Variants in DTNB observed in about 807,000 individuals in gnomAD.
DTNB encodes dystrobrevin beta.
In DTNB, 63 loss-of-function variants were observed where a neutral mutation model predicts 90.7. The ratio of observed to expected loss-of-function variants is 0.69; its 90% confidence interval spans 0.57 to 0.86. The LOEUF (loss-of-function observed/expected upper bound fraction) is 0.86. Among genes scored for constraint, DTNB ranks in the 40% least tolerant of loss-of-function variants. DTNB has a pLI of 0.00. For synonymous variants in DTNB, 277 were observed against 286.7 expected, an observed-to-expected ratio of 0.97 and a Z score of 0.34; for missense variants, 744 against 807.1, an observed-to-expected ratio of 0.92 and a Z score of 0.95.
intron 19 of DTNB, among the ~76,000 whole-genome samples, chr2:25,380,287 G>A (rs2037265028): frequency 1.3e-5 from 2 of 152,182 alleles, no homozygotes; most frequent in African/African-American, 4.8e-5. Context: ...TGGTGTCCAG[G>A]TGACTGCAGT....
chr2:25,553,014 C>A (rs542594259), intron 8 of DTNB, among the ~76,000 whole-genome samples: 35 of 151,092 alleles, frequency 2.3e-4, no homozygotes, highest in Non-Finnish European at 4.1e-4. Flanking sequence ...GCGCCCGCCA[C>A]CACGCCCGGC....
At chr2:25,650,842 T>C (rs1369796687) in intron 2 of DTNB, among the ~76,000 whole-genome samples, 2 of 151,910 alleles carry the variant, frequency 1.3e-5, no homozygotes, top group Non-Finnish European at 2.9e-5. Flanking sequence ...GCACCTGTAA[T>C]CCCAGCTACT....
intron 1 of DTNB, among the ~76,000 whole-genome samples, chr2:25,661,291 G>A (rs2083126548): frequency 6.6e-6 from 1 of 152,184 alleles, no homozygotes; most frequent in Non-Finnish European, 1.5e-5. Context: ...GATCGGCAAT[G>A]CTTATAACCA....
intron 9 of DTNB, among the ~76,000 whole-genome samples, chr2:25,526,395 A>ATATATAT: frequency 2.0e-4 from 10 of 49,826 alleles, no homozygotes; most frequent in South Asian, 6.7e-4. Context: ...ATATATATAT[A>ATATATAT]TTTTTTTTTT....
chr2:25,542,155 C>A (rs2081404310), intron 8 of DTNB, among the ~76,000 whole-genome samples: 1 of 152,116 alleles, frequency 6.6e-6, no homozygotes, highest in South Asian at 2.1e-4. Flanking sequence ...CACTCTGTCA[C>A]CCAGGCTGGA....
chr2:25,385,428 G>A (rs1016862917), intron 18 of DTNB, among the ~76,000 whole-genome samples: 1 of 152,182 alleles, frequency 6.6e-6, no homozygotes, highest in African/African-American at 2.4e-5. Context: ...GGGAGTTTAT[G>A]TCTGCATGTT....
chr2:25,611,630 C>G (rs1431367439), intron 4 of DTNB, among the ~76,000 whole-genome samples: 1 of 152,090 alleles, frequency 6.6e-6, no homozygotes, highest in East Asian at 1.9e-4. Flanking sequence ...AGCACAGCAC[C>G]TTGGAAATGC....
intron 15 of DTNB, among the ~76,000 whole-genome samples, chr2:25,422,468 C>CG (rs1297819266): frequency 7.6e-6 from 1 of 131,886 alleles, no homozygotes; most frequent in Non-Finnish European, 1.5e-5. Flanking sequence ...TGCAATGGCG[C>CG]GATCTCGGCT....
intron 16 of DTNB, among the ~76,000 whole-genome samples, chr2:25,409,907 G>C (rs146577999): frequency 2.0e-5 from 3 of 152,076 alleles, no homozygotes; most frequent in African/African-American, 7.2e-5. Flanking sequence ...TACCTAGCAG[G>C]TCTTTTTGCT....
At chr2:25,528,830 G>A (rs925899351) in intron 9 of DTNB, among the ~76,000 whole-genome samples, 3 of 152,116 alleles carry the variant, frequency 2.0e-5, no homozygotes, top group Admixed American at 2.0e-4. Flanking sequence ...TGACATGAGA[G>A]TTAACCTAAT....
At chr2:25,560,822 C>T (rs1366616881) in intron 8 of DTNB, among the ~76,000 whole-genome samples, 2 of 152,188 alleles carry the variant, frequency 1.3e-5, no homozygotes, top group East Asian at 1.9e-4. Flanking sequence ...GCTGACACTT[C>T]GATTTCAAAC....
chr2:25,528,013 T>C (rs2077483278), intron 9 of DTNB, among the ~76,000 whole-genome samples: 2 of 152,260 alleles, frequency 1.3e-5, no homozygotes, highest in South Asian at 4.1e-4. Context: ...AAACAAAATA[T>C]TAGCAAACAA....
At chr2:25,410,556 C>T (rs996936427) in intron 16 of DTNB, among the ~76,000 whole-genome samples, 1 of 152,056 alleles carries the variant, frequency 6.6e-6, no homozygotes, top group Admixed American at 6.6e-5. Flanking sequence ...TGATGCTTTC[C>T]CAGAAGGATC....
chr2:25,510,340 T>A (rs1575228430), intron 9 of DTNB, among the ~76,000 whole-genome samples: 1 of 152,040 alleles, frequency 6.6e-6, no homozygotes, highest in Non-Finnish European at 1.5e-5. Flanking sequence ...TTTAAAAAAA[T>A]ATTTACTTTA....
At position 25,576,790 on chromosome 2, in the gene DTNB, TCAAA is replaced by T. The variant is rs1011630632; in HGVS notation, c.876+44_876+47del. On this transcript the variant is annotated intron_variant, in intron 8 of 20. Transcript: ENST00000406818. Reference sequence around the variant, plus strand: ...AAACTGGCCCAGGTGCTGTTACTGATCAAACAGATTAACACTCAGGGACACAGAT... The same window carrying T: ...AAACTGGCCCAGGTGCTGTTACTGATCAGATTAACACTCAGGGACACAGAT... The T allele has an allele frequency of 5.2e-6, 8 of 1,546,594 alleles. No homozygotes were observed. In the African/African-American group the frequency reaches 8.2e-5, roughly 16 times the overall value.
chr2:25,510,951 C>A (rs909650876), intron 9 of DTNB, among the ~76,000 whole-genome samples: 1 of 152,188 alleles, frequency 6.6e-6, no homozygotes, highest in Non-Finnish European at 1.5e-5. Flanking sequence ...TGGTTTCAAA[C>A]CCATGTGAAA....
At chr2:25,471,407 G>A (rs1236057333) in intron 10 of DTNB, among the ~76,000 whole-genome samples, 2 of 138,680 alleles carry the variant, frequency 1.4e-5, no homozygotes, top group Non-Finnish European at 1.5e-5. Flanking sequence ...TTTTTTTCCC[G>A]AGACGGAGTC....
At chr2:25,562,614 G>C (rs2058432500) in intron 8 of DTNB, among the ~76,000 whole-genome samples, 1 of 151,974 alleles carries the variant, frequency 6.6e-6, no homozygotes, top group African/African-American at 2.4e-5. Context: ...TTTTTATTTA[G>C]CTGTCCTACT....
intron 5 of DTNB, among the ~76,000 whole-genome samples, chr2:25,604,317 A>T (rs2066583905): frequency 6.6e-6 from 1 of 152,186 alleles, no homozygotes; most frequent in South Asian, 2.1e-4. Context: ...AGAAAATGGC[A>T]TCCTTAAGAG....
Sources: gnomAD v4.1 joint callset for allele counts (sites outside exome capture counted in the v4.1 genomes callset) on GRCh38, gnomAD v4.1.1 for gene constraint, MANE v1.5 for transcripts, NCBI Gene and HGNC (gene_info 2026-07-23, HGNC 2026-07-21) for gene names.